TOP2B: variants seen among roughly 807,000 people sequenced by gnomAD.
TOP2B encodes the protein DNA topoisomerase II beta, also known as DNA topoisomerase 2-beta.
A neutral mutation model predicts 193.5 loss-of-function variants in TOP2B; 51 were observed. The ratio of observed to expected loss-of-function variants is 0.26; its 90% CI spans 0.21 to 0.33. TOP2B has a LOEUF of 0.33. Among genes scored for constraint, TOP2B ranks in the 10% least tolerant of loss-of-function variants. The pLI, the probability that TOP2B is intolerant of heterozygous loss-of-function variation, is 1.00. For synonymous variants in TOP2B, 634 were observed against 635.7 expected (o/e 1.00, Z 0.04); for missense variants, 1,378 against 1,909.3 (o/e 0.72, Z 5.19).
In TOP2B at chr3:25,629,178, T is replaced by C. The variant is rs199831138; in HGVS notation, c.1690-33A>G. 8.1e-5 allele frequency: 114 copies of C among 1,413,662 alleles called. No homozygotes were observed. In the East Asian group the frequency reaches 2.5e-3, roughly 31 times the overall value. The allele number at this position is 1,413,662 out of a possible 1,614,324, so 87.6% of individuals were successfully genotyped here. A position where few individuals can be genotyped will look rare whatever the true frequency, so the allele number is the denominator to read the frequency against. ...AATGTTAGTAAAGTAAAAAATGTTGTAATACTTTTATAAAATGATTACTTA... is the reference window on the plus strand; with the variant it reads ...AATGTTAGTAAAGTAAAAAATGTTGCAATACTTTTATAAAATGATTACTTA... On this transcript the variant is annotated intron_variant, in intron 13 of 35. Coordinates refer to ENST00000264331, the MANE Select transcript of TOP2B (RefSeq NM_001330700.2).
chr3:25,645,835 C>T (rs1349831257), intron 1 of TOP2B, among the ~76,000 whole-genome samples: 5 of 152,164 alleles, frequency 3.3e-5, no homozygotes, highest in Non-Finnish European at 5.9e-5. Flanking sequence ...TCTTGGCTCA[C>T]TGCAGCCTCC....
At chr3:25,647,881 C>T (rs1703455945) in intron 1 of TOP2B, among the ~76,000 whole-genome samples, 1 of 152,178 alleles carries the variant, frequency 6.6e-6, no homozygotes, top group Non-Finnish European at 1.5e-5. Context: ...AACCCCAGGC[C>T]TTTCTTTCCC....
intron 33 of TOP2B, among the ~76,000 whole-genome samples, chr3:25,602,207 C>T (rs2125342040): frequency 6.6e-6 from 1 of 151,990 alleles, no homozygotes; most frequent in African/African-American, 2.4e-5. Context: ...ACCAGCCTGC[C>T]CAACATGGTG....
chr3:25,632,347 T>C lies in TOP2B; in HGVS notation c.1266+99A>G. The C allele has an allele frequency of 5.7e-6, 6 of 1,052,414 alleles. No homozygotes were observed. The South Asian group carries it at 9.9e-5, about 17-fold the overall frequency. 65.2% of individuals were successfully genotyped at this position (1,052,414 alleles called of 1,614,324 possible). ...GTGCAAGCATGCTTATACCCACAGT[T>C]AATACGATGAAAGAAACTAATCACA... On this transcript the variant is annotated intron_variant, in intron 10 of 35. Coordinates refer to ENST00000264331, the MANE Select transcript of TOP2B (RefSeq NM_001330700.2).
chr3:25,603,391 C>T (rs1252300378), intron 33 of TOP2B, among the ~76,000 whole-genome samples: 1 of 151,960 alleles, frequency 6.6e-6, no homozygotes, highest in African/African-American at 2.4e-5. Context: ...GGCATGCATA[C>T]GCCACCACAC....
chr3:25,643,168 A>G (rs1420460379), intron 3 of TOP2B, among the ~76,000 whole-genome samples: 1 of 152,192 alleles, frequency 6.6e-6, no homozygotes, highest in Non-Finnish European at 1.5e-5. Flanking sequence ...GTCCTTGGTT[A>G]AAATATTTCC....
rs1041989030 is a variant in TOP2B, at chr3:25,633,406, C to A, written c.1026+435G>T. ...TCCATGCCTTACCCAGACATGCCAC[C>A]CTCTTGGCACCTCAAATGTATTCAC... On this transcript the variant is annotated intron_variant, in intron 8 of 35. Coordinates refer to ENST00000264331, the MANE Select transcript of TOP2B (RefSeq NM_001330700.2). Among the ~76,000 whole-genome samples, 3 of 151,992 alleles carry A rather than the reference C, an allele frequency of 2.0e-5. No individual in the cohort carries two copies. In the East Asian group the frequency reaches 5.8e-4, roughly 29 times the overall value.
chr3:25,624,640 C>A (rs1277474876), intron 19 of TOP2B, 42 bp downstream of exon 19: 1 of 1,603,232 alleles, frequency 6.2e-7, no homozygotes, highest in African/African-American at 1.3e-5. Flanking sequence ...TTCTTCAAGA[C>A]AATAATTACA....
At chr3:25,657,338 T>C (rs1703775535) in intron 1 of TOP2B, among the ~76,000 whole-genome samples, 2 of 152,162 alleles carry the variant, frequency 1.3e-5, no homozygotes, top group South Asian at 4.1e-4. Context: ...TATGCATATT[T>C]AATACAAACC....
chr3:25,608,498 G>A lies in TOP2B; in HGVS notation c.4093+685C>T, dbSNP rs372543576. ...AAAGAAATTCAATCACTTGGTGATT[G>A]CAGAACCAAAGAATTTAAGGTCTGA... On this transcript the variant is annotated intron_variant, in intron 30 of 35. Coordinates refer to ENST00000264331, the MANE Select transcript of TOP2B (RefSeq NM_001330700.2). 3.9e-5 allele frequency among the ~76,000 whole-genome samples: 6 copies of A among 152,176 alleles called. No individual in the cohort carries two copies. In the East Asian group the frequency reaches 7.7e-4, roughly 20 times the overall value.
At chr3:25,606,238 T>C in intron 31 of TOP2B, 116 bp from the exon 32 acceptor site, 1 of 508,256 alleles carries the variant, frequency 2.0e-6, no homozygotes, top group Non-Finnish European at 3.4e-6. Flanking sequence ...AAACTTTAGT[T>C]TTCATTTCTT....
intron 32 of TOP2B, among the ~76,000 whole-genome samples, 163 bp from the exon 33 acceptor site, chr3:25,605,033 G>A (rs769431259): frequency 1.3e-5 from 2 of 152,072 alleles, no homozygotes; most frequent in African/African-American, 2.4e-5. Context: ...AAAATAAAAT[G>A]TATCAGTTAT....
intron 7 of TOP2B, among the ~76,000 whole-genome samples, chr3:25,635,096 C>T (rs1186303622): frequency 6.6e-6 from 1 of 152,082 alleles, no homozygotes; most frequent in African/African-American, 2.4e-5. Flanking sequence ...GACAGATCAC[C>T]TCTGAGGGGC....
chr3:25,657,982 A>C (rs961905975), intron 1 of TOP2B, among the ~76,000 whole-genome samples: 3 of 129,056 alleles, frequency 2.3e-5, no homozygotes, highest in African/African-American at 1.1e-4. Context: ...AATGGCGTGA[A>C]CCCGGGAGGC....
rs928519263 is a variant in TOP2B at position 25,642,199 on chromosome 3, G to C, written c.395+123C>G. ...ACAGAAAAGAGGCAAAAATAACAAA[G>C]TCTCAAACAACAGGGAAACTTTAAA... On this transcript the variant is annotated intron_variant, in intron 4 of 35. Transcript: ENST00000264331. 4 of 523,548 alleles carry C rather than the reference G, an allele frequency of 7.6e-6. No individual in the cohort carries two copies. In the Admixed American group the frequency reaches 1.1e-4, roughly 14 times the overall value. 32.4% of individuals were successfully genotyped at this position (523,548 alleles called of 1,614,324 possible). A position where few individuals can be genotyped will look rare whatever the true frequency, so the allele number is the denominator to read the frequency against.
At chr3:25,627,119 A>T in intron 16 of TOP2B, 68 bp downstream of exon 16, 1 of 1,111,934 alleles carries the variant, frequency 9.0e-7, no homozygotes. Flanking sequence ...GGGAACCAGG[A>T]CTGGGAGGAA....
chr3:25,624,928 A>T, intron 18 of TOP2B, 125 bp from the exon 19 acceptor site: 2 of 925,012 alleles, frequency 2.2e-6, no homozygotes, highest in South Asian at 1.8e-5. Flanking sequence ...GAGATTCTGT[A>T]ACAAAGTGAG....
Position 25,630,789 on chromosome 3 carries a change from T to C in TOP2B, c.1405+12A>G. On this transcript the variant is annotated intron_variant, in intron 11 of 35. Transcript: ENST00000264331. ...CTTAAATCAAAATCTTATTTAAAAA[T>C]ATCAATCTTACCAGCATCATTAGCA... 1 of 1,524,996 alleles carries C rather than the reference T, an allele frequency of 6.6e-7. No homozygotes were observed. The highest frequency in any genetic ancestry group is 8.7e-7 in the Non-Finnish European group (1 of 1,144,788). The allele number at this position is 1,524,996 out of a possible 1,614,324, so 94.5% of individuals were successfully genotyped here.
chr3:25,651,445 TAAA>T (rs34010313), intron 1 of TOP2B, among the ~76,000 whole-genome samples: 81 of 118,580 alleles, frequency 6.8e-4, no homozygotes, highest in African/African-American at 2.4e-3. Context: ...AACATGTCAC[TAAA>T]AAAAAAAAAA....
Sources: allele counts gnomAD v4.1 joint callset (sites outside exome capture counted in the v4.1 genomes callset), GRCh38; gene constraint gnomAD v4.1.1; transcripts MANE v1.5; gene names NCBI Gene and HGNC (gene_info 2026-07-23, HGNC 2026-07-21).